Variants in CTNND2 observed in about 807,000 individuals in gnomAD.
CTNND2 encodes the protein catenin delta 2, also known as catenin delta-2.
A neutral mutation model predicts 144.4 loss-of-function variants in CTNND2; 22 were observed. The ratio of observed to expected loss-of-function variants is 0.15; its 90% CI spans 0.11 to 0.22. The LOEUF is 0.22. CTNND2 is among the 10% of genes least tolerant of loss of function. The probability of loss-of-function intolerance (pLI) is 1.00; values close to 1 mark genes in which losing one functional copy is unlikely to be tolerated. For synonymous variants in CTNND2, 751 were observed against 695.6 expected (o/e 1.08, Z -1.25); for missense variants, 1,353 against 1,618.8 (o/e 0.84, Z 2.82).
At chr5:11,541,851 G>A (rs74709056) in intron 3 of CTNND2, among the ~76,000 whole-genome samples, 18,335 of 61,842 alleles carry the variant, frequency 0.3, 1,678 homozygotes, top group Admixed American at 0.43. Context: ...CCCCCCCCCC[G>A]GCCAAAAGCC....
chr5:11,647,601 G>A (rs1233881607), intron 2 of CTNND2, among the ~76,000 whole-genome samples: 1 of 151,836 alleles, frequency 6.6e-6, no homozygotes, highest in Non-Finnish European at 1.5e-5. Context: ...TTTTCTGCTA[G>A]TTTCTATGAC....
At chr5:11,670,708 T>A (rs758843221) in intron 2 of CTNND2, among the ~76,000 whole-genome samples, 1 of 152,154 alleles carries the variant, frequency 6.6e-6, no homozygotes, top group Non-Finnish European at 1.5e-5. Context: ...AGCACACAGA[T>A]GGGTCTTGAC....
intron 2 of CTNND2, among the ~76,000 whole-genome samples, chr5:11,576,153 T>C (rs1777956809): frequency 6.6e-6 from 1 of 152,108 alleles, no homozygotes; most frequent in African/African-American, 2.4e-5. Context: ...ACTCCAGTTT[T>C]GGCCACAAGT....
chr5:11,744,137 G>A (rs536425440), intron 1 of CTNND2, among the ~76,000 whole-genome samples: 3 of 152,262 alleles, frequency 2.0e-5, no homozygotes, highest in African/African-American at 7.2e-5. Context: ...ATGTCTCACC[G>A]TCTGTTTCTA....
intron 16 of CTNND2, 40 bp from the exon 17 acceptor site, chr5:11,023,019 A>G: frequency 6.3e-7 from 1 of 1,583,392 alleles, no homozygotes; most frequent in Non-Finnish European, 8.7e-7. Context: ...AAGGAGGTCA[A>G]GGTGAAGGCA....
chr5:11,251,273 G>GT (rs1743622579), intron 9 of CTNND2, among the ~76,000 whole-genome samples: 1 of 152,166 alleles, frequency 6.6e-6, no homozygotes, highest in South Asian at 2.1e-4. Flanking sequence ...GTTCCATTTA[G>GT]TAAGTTCTTA....
At chr5:11,349,507 G>A (rs1235899337) in intron 8 of CTNND2, among the ~76,000 whole-genome samples, 1 of 152,136 alleles carries the variant, frequency 6.6e-6, no homozygotes, top group Non-Finnish European at 1.5e-5. Context: ...TTGGTTTCTA[G>A]AGTTCATGCT....
chr5:11,501,505 G>C (rs1770519527), intron 3 of CTNND2, among the ~76,000 whole-genome samples: 2 of 152,218 alleles, frequency 1.3e-5, no homozygotes, highest in Non-Finnish European at 2.9e-5. Context: ...TCAACACTGA[G>C]AGGTCCTTAT....
intron 2 of CTNND2, among the ~76,000 whole-genome samples, chr5:11,661,399 A>G (rs542038453): frequency 5.8e-4 from 88 of 152,292 alleles, no homozygotes; most frequent in African/African-American, 2.0e-3. Context: ...TTATTAAGAA[A>G]GTATTACTAT....
intron 18 of CTNND2, among the ~76,000 whole-genome samples, chr5:11,009,991 C>T (rs1561165609): frequency 6.6e-6 from 1 of 152,212 alleles, no homozygotes; most frequent in Non-Finnish European, 1.5e-5. Flanking sequence ...ATGAAGGAGA[C>T]AGTATGGTAG....
rs545555682 is a variant in CTNND2 at position 11,154,206 on chromosome 5, T to G, written c.2159+5370A>C. 1.1e-3 allele frequency among the ~76,000 whole-genome samples: 171 copies of G among 152,288 alleles called. 1 individual carries two copies. Among genetic ancestry groups the G allele is most frequent in the Admixed American group, 6.5e-4 (10 of 15,296 alleles). ...TCAAATGACTTCTGGCTGTCCATAG[T>G]GTCAGAAAAATCCATGCAATGTTCA... On this transcript the variant is annotated intron_variant, in intron 12 of 21. Transcript: ENST00000304623.
At chr5:11,522,047 C>T (rs939059002) in intron 3 of CTNND2, among the ~76,000 whole-genome samples, 1 of 152,160 alleles carries the variant, frequency 6.6e-6, no homozygotes, top group African/African-American at 2.4e-5. Context: ...TATCCTAAAT[C>T]AAGCAGACAC....
rs550903015 is a variant in CTNND2, at chr5:11,876,548, A to T, written c.37+27269T>A. On this transcript the variant is annotated intron_variant, in intron 1 of 21. Coordinates refer to ENST00000304623, the MANE Select transcript of CTNND2 (RefSeq NM_001332.4). ...TATGTATACACATGCACATATAATT[A>T]AAAAGCACATAAATATTTAAACAAA... Among the ~76,000 whole-genome samples, 340 of 152,300 alleles carry T rather than the reference A, an allele frequency of 2.2e-3. 4 individuals are homozygous for T. Among genetic ancestry groups the T allele is most frequent in the Middle Eastern group, 0.017 (5 of 294 alleles).
chr5:11,016,445 C>T (rs1741609031), intron 18 of CTNND2, among the ~76,000 whole-genome samples: 1 of 152,244 alleles, frequency 6.6e-6, no homozygotes, highest in Non-Finnish European at 1.5e-5. Flanking sequence ...ATTTTTTTCC[C>T]CCATTGCTTA....
intron 9 of CTNND2, among the ~76,000 whole-genome samples, chr5:11,249,144 A>C (rs1401482310): frequency 6.6e-6 from 1 of 152,192 alleles, no homozygotes; most frequent in Non-Finnish European, 1.5e-5. Flanking sequence ...TTATCTAAGA[A>C]GGAAGAGCGT....
rs187136737 is a variant in CTNND2 at position 11,247,520 on chromosome 5, G to T, written c.1629-10697C>A. 2.8e-3 allele frequency among the ~76,000 whole-genome samples: 425 copies of T among 152,262 alleles called. 3 individuals are homozygous for T. Among genetic ancestry groups the T allele is most frequent in the African/African-American group, 9.7e-3 (405 of 41,550 alleles). On this transcript the variant is annotated intron_variant, in intron 9 of 21. Transcript: ENST00000304623. ...ATTTCAACTAGCAAGTTTTCTCCTGGCTGGTAAAGTGAAGAGAGAAAACAG... is the reference window on the plus strand; with the variant it reads ...ATTTCAACTAGCAAGTTTTCTCCTGTCTGGTAAAGTGAAGAGAGAAAACAG...
chr5:11,633,983 T>C (rs1285862737), intron 2 of CTNND2, among the ~76,000 whole-genome samples: 1 of 152,108 alleles, frequency 6.6e-6, no homozygotes, highest in Non-Finnish European at 1.5e-5. Flanking sequence ...GACATCTGTT[T>C]CTATTTTCTG....
intron 2 of CTNND2, among the ~76,000 whole-genome samples, chr5:11,609,024 C>T (rs950649957): frequency 1.3e-5 from 2 of 152,164 alleles, no homozygotes; most frequent in Non-Finnish European, 2.9e-5. Flanking sequence ...ACCACGTTTT[C>T]GTCACATGGC....
intron 1 of CTNND2, among the ~76,000 whole-genome samples, chr5:11,803,961 T>G (rs1791847378): frequency 6.6e-6 from 1 of 152,144 alleles, no homozygotes; most frequent in South Asian, 2.1e-4. Context: ...TCCAACCAAG[T>G]CAGTTAAAAA....
Sources: allele counts gnomAD v4.1 joint callset (sites outside exome capture counted in the v4.1 genomes callset), GRCh38; gene constraint gnomAD v4.1.1; transcripts MANE v1.5; gene names NCBI Gene and HGNC (gene_info 2026-07-23, HGNC 2026-07-21).